HPSE2: variants seen among roughly 807,000 people sequenced by gnomAD.
HPSE2 encodes the protein inactive heparanase-2.
Under a neutral mutation model 60.5 loss-of-function variants are expected in HPSE2, and 38 were observed. The observed-to-expected ratio is 0.63, with a 90% CI of 0.48 to 0.82. The LOEUF (loss-of-function observed/expected upper bound fraction) is 0.82. HPSE2 is among the 40% of genes least tolerant of loss of function. The pLI is 0.00. For synonymous variants in HPSE2, 295 were observed against 293.2 expected, an observed-to-expected ratio of 1.01 and a Z score of -0.06; for missense variants, 713 against 740.4, an observed-to-expected ratio of 0.96 and a Z score of 0.43.
chr10:98,463,900 C>T (rs537320854), intron 11 of HPSE2, among the ~76,000 whole-genome samples: 6 of 152,206 alleles, frequency 3.9e-5, no homozygotes, highest in African/African-American at 7.2e-5. Flanking sequence ...GGGTGGATCA[C>T]GAGGTCAGGA....
intron 11 of HPSE2, among the ~76,000 whole-genome samples, chr10:98,481,112 T>A (rs1257094591): frequency 3.9e-5 from 6 of 152,188 alleles, no homozygotes; most frequent in Non-Finnish European, 7.3e-5. Flanking sequence ...GCTCAGCTCC[T>A]AAGCTCTTCG....
intron 3 of HPSE2, among the ~76,000 whole-genome samples, chr10:99,006,603 C>T (rs1370546573): frequency 6.6e-6 from 1 of 152,014 alleles, no homozygotes; most frequent in Non-Finnish European, 1.5e-5. Flanking sequence ...GGGCCTAGAA[C>T]CTATATCTGT....
At chr10:98,750,829 G>T (rs1403758519) in intron 3 of HPSE2, among the ~76,000 whole-genome samples, 1 of 152,162 alleles carries the variant, frequency 6.6e-6, no homozygotes, top group Non-Finnish European at 1.5e-5. Flanking sequence ...TAAATAATTT[G>T]AGTGGGCAGA....
intron 9 of HPSE2, among the ~76,000 whole-genome samples, chr10:98,561,826 C>T (rs1004800137): frequency 6.7e-6 from 1 of 150,352 alleles, no homozygotes; most frequent in Non-Finnish European, 1.5e-5. Context: ...GTAGCCTGGG[C>T]GATAGAGCTA....
chr10:99,006,593 G>A (rs2135388234), intron 3 of HPSE2, among the ~76,000 whole-genome samples: 1 of 152,238 alleles, frequency 6.6e-6, no homozygotes, highest in South Asian at 2.1e-4. Flanking sequence ...GGCACTGGGT[G>A]GGCCTAGAAC....
chr10:98,597,270 T>C (rs1348515025), intron 9 of HPSE2, among the ~76,000 whole-genome samples: 1 of 152,212 alleles, frequency 6.6e-6, no homozygotes, highest in Non-Finnish European at 1.5e-5. Context: ...TGGATATTTA[T>C]ATCTTTTCCC....
At chr10:99,016,339 T>C (rs1957141027) in intron 3 of HPSE2, among the ~76,000 whole-genome samples, 1 of 152,120 alleles carries the variant, frequency 6.6e-6, no homozygotes, top group Non-Finnish European at 1.5e-5. Flanking sequence ...GATCAGACAG[T>C]TGTAGGTGTG....
intron 3 of HPSE2, among the ~76,000 whole-genome samples, chr10:99,020,796 C>G (rs1957245264): frequency 6.6e-6 from 1 of 152,062 alleles, no homozygotes; most frequent in Non-Finnish European, 1.5e-5. Context: ...TACCTGGGGA[C>G]AGGTGAAGGG....
chr10:98,874,369 T>C (rs973618304), intron 3 of HPSE2, among the ~76,000 whole-genome samples: 1 of 152,134 alleles, frequency 6.6e-6, no homozygotes, highest in Non-Finnish European at 1.5e-5. Flanking sequence ...TCATCCATCT[T>C]GAGTTAATTG....
intron 3 of HPSE2, among the ~76,000 whole-genome samples, chr10:98,826,256 C>T (rs978563118): frequency 2.0e-5 from 3 of 152,086 alleles, no homozygotes; most frequent in African/African-American, 7.2e-5. Context: ...CATGAGAAAA[C>T]TCTGAAAGGA....
At chr10:98,604,465 C>G (rs1181017356) in intron 9 of HPSE2, among the ~76,000 whole-genome samples, 1 of 152,012 alleles carries the variant, frequency 6.6e-6, no homozygotes, top group Non-Finnish European at 1.5e-5. Context: ...TGAATAAAGA[C>G]TGATTAAAAC....
At chr10:99,146,796 G>A (rs1186948124) in intron 2 of HPSE2, among the ~76,000 whole-genome samples, 1 of 152,014 alleles carries the variant, frequency 6.6e-6, no homozygotes. Context: ...AGGAAGCGGA[G>A]GTTGCAGTGA....
At chr10:98,699,613 T>G (rs1036219699) in intron 5 of HPSE2, among the ~76,000 whole-genome samples, 1,988 of 124,936 alleles carry the variant, frequency 0.016, 91 homozygotes, top group African/African-American at 0.052. Context: ...ACCACTCCTA[T>G]TCAACATAGT....
chr10:99,169,661 A>AT (rs904806235), intron 2 of HPSE2, among the ~76,000 whole-genome samples: 1 of 152,010 alleles, frequency 6.6e-6, no homozygotes, highest in Non-Finnish European at 1.5e-5. Flanking sequence ...GAATAGCAGA[A>AT]TTTCAGGCAA....
At chr10:99,158,998 G>T (rs1846708098) in intron 2 of HPSE2, among the ~76,000 whole-genome samples, 1 of 152,056 alleles carries the variant, frequency 6.6e-6, no homozygotes, top group African/African-American at 2.4e-5. Flanking sequence ...ATGAGACACA[G>T]TTTAAACAGT....
chr10:99,138,363 C>A lies in HPSE2; in HGVS notation c.610+5875G>T, dbSNP rs1397321727. Among the ~76,000 whole-genome samples, 9 of 152,176 alleles carry A rather than the reference C, an allele frequency of 5.9e-5. No homozygotes were observed. The East Asian group carries it at 1.5e-3, about 26-fold the overall frequency. On this transcript the variant is annotated intron_variant, in intron 3 of 11. Coordinates refer to ENST00000370552, the MANE Select transcript of HPSE2 (RefSeq NM_021828.5). Reference sequence around the variant, plus strand: ...CCTCAAGGATCTAGAACCAGAAACACCATTTGACCCAGCAATCCCATTACT... The same window carrying A: ...CCTCAAGGATCTAGAACCAGAAACAACATTTGACCCAGCAATCCCATTACT...
At chr10:99,202,395 G>T (rs138265856) in intron 2 of HPSE2, among the ~76,000 whole-genome samples, 1 of 152,160 alleles carries the variant, frequency 6.6e-6, no homozygotes, top group African/African-American at 2.4e-5. Context: ...AACTAAAAAT[G>T]ATGATACTTT....
chr10:99,275,384 T>C, the HPSE2 span, among the ~76,000 whole-genome samples: 130,141 of 152,056 alleles, frequency 0.86, 56,056 homozygotes, highest in African/African-American at 0.92. Flanking sequence ...GACTCGTACG[T>C]CTTAGTACCC....
chr10:99,315,018 C>T, the HPSE2 span, among the ~76,000 whole-genome samples: 1 of 152,216 alleles, frequency 6.6e-6, no homozygotes, highest in Non-Finnish European at 1.5e-5. Flanking sequence ...CACCAATTTT[C>T]CTTCCATGCA....
Sources: allele counts gnomAD v4.1 joint callset (sites outside exome capture counted in the v4.1 genomes callset), GRCh38; gene constraint gnomAD v4.1.1; transcripts MANE v1.5; gene names NCBI Gene and HGNC (gene_info 2026-07-23, HGNC 2026-07-21).